CDH20: variants seen among roughly 807,000 people sequenced by gnomAD.
CDH20 encodes the protein cadherin-20.
Under a neutral mutation model 74.2 loss-of-function variants are expected in CDH20, and 29 were observed. The observed-to-expected ratio is 0.39, with a 90% CI of 0.29 to 0.53. The LOEUF is 0.53. CDH20 is among the 20% of genes least tolerant of loss of function. The pLI is 0.69. For synonymous variants in CDH20, 469 were observed against 405.4 expected, an observed-to-expected ratio of 1.16 and a Z score of -1.88; for missense variants, 988 against 1,048.3, an observed-to-expected ratio of 0.94 and a Z score of 0.79.
chr18:61,438,713 T>G (rs1908919037), intron 1 of CDH20, among the ~76,000 whole-genome samples: 1 of 152,100 alleles, frequency 6.6e-6, no homozygotes, highest in Admixed American at 6.6e-5. Flanking sequence ...TCAAAGAACT[T>G]AAAACAGAAC....
chr18:61,353,727 C>T lies in CDH20; in HGVS notation c.-153+19900C>T, dbSNP rs73445303. Reference sequence around the variant, plus strand: ...TCTTGGCCTGCACTAGCCAATACAGCAGCTACTAACTACACAAGGACGTTC... The same window carrying T: ...TCTTGGCCTGCACTAGCCAATACAGTAGCTACTAACTACACAAGGACGTTC... On this transcript the variant is annotated intron_variant, in intron 1 of 11. Transcript: ENST00000262717. The surrounding 1 kb of genome is among the most constrained non-coding windows in gnomAD (Gnocchi z 4.6). Among the ~76,000 whole-genome samples, 22,749 of 152,112 alleles carry T rather than the reference C, an allele frequency of 0.15. 4,476 individuals carry two copies. The highest frequency in any genetic ancestry group is 0.46 in the African/African-American group (18,853 of 41,424).
intron 1 of CDH20, among the ~76,000 whole-genome samples, chr18:61,345,548 G>T (rs750134885): frequency 6.6e-6 from 1 of 152,120 alleles, no homozygotes; most frequent in Non-Finnish European, 1.5e-5. Flanking sequence ...GCTCATTAGG[G>T]TACCATTCCT....
At chr18:61,359,177 T>G (rs946102803) in intron 1 of CDH20, among the ~76,000 whole-genome samples, 13 of 152,180 alleles carry the variant, frequency 8.5e-5, no homozygotes, top group Admixed American at 2.6e-4. Context: ...ATATAATAAG[T>G]GACCATAATG....
chr18:61,374,495 A>C (rs1911148523), intron 1 of CDH20, among the ~76,000 whole-genome samples: 1 of 152,168 alleles, frequency 6.6e-6, no homozygotes, highest in African/African-American at 2.4e-5. Flanking sequence ...TACTTTCCCC[A>C]AAAATGAAAA....
chr18:61,471,916 T>C (rs2849864), intron 1 of CDH20, among the ~76,000 whole-genome samples: 2,678 of 152,276 alleles, frequency 0.018, 43 homozygotes, highest in Non-Finnish European at 0.029. Context: ...TTTGTTAGCC[T>C]TCCCATTATC....
At position 61,433,169 on chromosome 18, in the gene CDH20, C is replaced by T. The variant is rs1375388415; in HGVS notation, c.-152-57233C>T. ...TATTTATTATTATAATAAAATATCA[C>T]ATTATTATATCAAGATTAAACAAGG... On this transcript the variant is annotated intron_variant, in intron 1 of 11. Coordinates refer to ENST00000262717, the MANE Select transcript of CDH20 (RefSeq NM_031891.4). Among the ~76,000 whole-genome samples, 3 of 152,036 alleles carry T rather than the reference C, an allele frequency of 2.0e-5. No homozygotes were observed. In the East Asian group the frequency reaches 5.8e-4, roughly 29 times the overall value.
chr18:61,529,153 G>A (rs924875203), intron 7 of CDH20, among the ~76,000 whole-genome samples: 19 of 152,198 alleles, frequency 1.2e-4, no homozygotes, highest in Admixed American at 1.1e-3. Context: ...CCTATGAAGC[G>A]TGACACAAAA....
intron 1 of CDH20, among the ~76,000 whole-genome samples, chr18:61,357,779 T>G (rs978375621): frequency 6.6e-6 from 1 of 152,108 alleles, no homozygotes; most frequent in Non-Finnish European, 1.5e-5. Context: ...AAACACAAAT[T>G]TTGGGTAAGG....
At chr18:61,502,643 G>A (rs1911423347) in intron 4 of CDH20, among the ~76,000 whole-genome samples, 1 of 152,076 alleles carries the variant, frequency 6.6e-6, no homozygotes, top group African/African-American at 2.4e-5. Context: ...GTCTGAAATC[G>A]CCTTGGACCA....
At chr18:61,491,628 G>A (rs556254570) in intron 2 of CDH20, among the ~76,000 whole-genome samples, 173 of 152,266 alleles carry the variant, frequency 1.1e-3, no homozygotes, top group African/African-American at 4.0e-3. Context: ...CCTCAAATTC[G>A]AATGAGATTG....
intron 1 of CDH20, among the ~76,000 whole-genome samples, chr18:61,400,200 C>T (rs182725527): frequency 2.9e-4 from 44 of 152,270 alleles, no homozygotes; most frequent in African/African-American, 9.9e-4. Context: ...GACCTGTAGT[C>T]GCAGCCTCTT....
At chr18:61,395,027 C>T (rs1414887097) in intron 1 of CDH20, among the ~76,000 whole-genome samples, 1 of 152,060 alleles carries the variant, frequency 6.6e-6, no homozygotes, top group Non-Finnish European at 1.5e-5. Context: ...TGGTCATTCA[C>T]ACTCCTCATG....
At chr18:61,539,763 G>GGACT (rs781079465) in intron 9 of CDH20, among the ~76,000 whole-genome samples, 7 of 151,914 alleles carry the variant, frequency 4.6e-5, no homozygotes, top group Non-Finnish European at 8.8e-5. Flanking sequence ...CCTTATTTAG[G>GGACT]GACTCCCTGG....
chr18:61,530,144 G>T (rs1912589762), intron 7 of CDH20, among the ~76,000 whole-genome samples: 1 of 152,160 alleles, frequency 6.6e-6, no homozygotes, highest in Non-Finnish European at 1.5e-5. Context: ...CTGCATTTTG[G>T]TTACAAAGAA....
At chr18:61,479,466 C>A (rs1407651546) in intron 1 of CDH20, among the ~76,000 whole-genome samples, 1 of 152,202 alleles carries the variant, frequency 6.6e-6, no homozygotes, top group Non-Finnish European at 1.5e-5. Flanking sequence ...ACTCTCCCCT[C>A]CTTCGCCCTT....
intron 6 of CDH20, among the ~76,000 whole-genome samples, chr18:61,508,360 C>T (rs1911654319): frequency 1.3e-5 from 2 of 152,058 alleles, no homozygotes; most frequent in South Asian, 4.1e-4. Flanking sequence ...GGGAAGAAGA[C>T]AATCAAAACA....
Position 61,503,037 on chromosome 18 carries a change from G to A in CDH20, c.746G>A (p.Gly249Glu). Reference sequence around the variant, plus strand: ...ATTATCCAAGCCAAGGACATGGGAGGGCAGCTTGGAGGATTAGCTGGGACC... The same window carrying A: ...ATTATCCAAGCCAAGGACATGGGAGAGCAGCTTGGAGGATTAGCTGGGACC... ...EVIIQAKDMG[G>E]QLGGLAGTTT... Residue 249 changes from glycine (G) to glutamate (E), a missense_variant, in exon 5 of 12, where the codon GGG becomes GAG. Gly to Glu is a moderately conservative substitution (Grantham distance 98, BLOSUM62 -2). This residue lies in a region of CDH20 where 613 missense variants were observed against 755.2 expected (regional missense o/e 0.81). Coordinates refer to ENST00000262717, the MANE Select transcript of CDH20 (RefSeq NM_031891.4). 6.2e-7 allele frequency: 1 copy of A among 1,613,626 alleles called. No homozygotes were observed. The highest frequency in any genetic ancestry group is 1.7e-5 in the Admixed American group (1 of 60,014).
At chr18:61,440,078 G>A (rs1908976466) in intron 1 of CDH20, among the ~76,000 whole-genome samples, 2 of 152,064 alleles carry the variant, frequency 1.3e-5, no homozygotes, top group Admixed American at 1.3e-4. Flanking sequence ...AGCCAATGAT[G>A]GTTACTAATT....
chr18:61,518,028 C>T (rs996640431), intron 6 of CDH20, among the ~76,000 whole-genome samples: 2 of 152,208 alleles, frequency 1.3e-5, no homozygotes, highest in East Asian at 3.9e-4. Flanking sequence ...GCAGAGCCCA[C>T]CGCAGCTCTG....
Sources: gnomAD v4.1 joint callset for allele counts (sites outside exome capture counted in the v4.1 genomes callset) on GRCh38, gnomAD v4.1.1 for gene constraint, gnomAD v4.1.1 regional missense constraint, Gnocchi (gnomAD v3.1) non-coding constraint, MANE v1.5 for transcripts, NCBI Gene and HGNC (gene_info 2026-07-23, HGNC 2026-07-21) for gene names.